Variants in SYT16 observed in about 807,000 individuals in gnomAD.
SYT16 encodes the protein synaptotagmin 16.
Under a neutral mutation model 61.4 loss-of-function variants are expected in SYT16, and 42 were observed. The observed-to-expected ratio is 0.68, with a 90% CI of 0.53 to 0.89. The LOEUF (loss-of-function observed/expected upper bound fraction) is 0.89. Among genes scored for constraint, SYT16 ranks in the 40% least tolerant of loss-of-function variants. The pLI is 0.00. For synonymous variants in SYT16, 314 were observed against 302.3 expected (o/e 1.04, Z -0.40); for missense variants, 804 against 807.3 (o/e 1.00, Z 0.05).
At chr14:62,026,290 T>C (rs78700313) in intron 3 of SYT16, among the ~76,000 whole-genome samples, 9,675 of 152,274 alleles carry the variant, frequency 0.064, 550 homozygotes, top group African/African-American at 0.16. Context: ...CTGTTTATGT[T>C]GCTATAACTA....
intron 1 of SYT16, among the ~76,000 whole-genome samples, chr14:61,910,408 T>A (rs929213084): frequency 2.2e-4 from 33 of 150,516 alleles, no homozygotes; most frequent in African/African-American, 6.9e-4. Context: ...CCGGCTAATT[T>A]TTGTGTTTTT....
chr14:62,038,083 G>A (rs1345542608), intron 3 of SYT16, among the ~76,000 whole-genome samples: 3 of 152,004 alleles, frequency 2.0e-5, no homozygotes, highest in East Asian at 3.9e-4. Context: ...TCCAGGCTTG[G>A]TTATAGCTCC....
At chr14:61,983,202 A>G (rs2052159714) in intron 2 of SYT16, among the ~76,000 whole-genome samples, 1 of 152,174 alleles carries the variant, frequency 6.6e-6, no homozygotes, top group South Asian at 2.1e-4. Flanking sequence ...TAGGTTTAAA[A>G]TTTCATTATT....
At chr14:62,098,976 T>C (rs2057348914) in intron 7 of SYT16, among the ~76,000 whole-genome samples, 2 of 152,014 alleles carry the variant, frequency 1.3e-5, no homozygotes, top group South Asian at 4.2e-4. Context: ...ATGGGGAACA[T>C]GTACAGATGA....
At chr14:62,021,875 G>A (rs1356859664) in intron 3 of SYT16, among the ~76,000 whole-genome samples, 2 of 152,120 alleles carry the variant, frequency 1.3e-5, no homozygotes, top group Non-Finnish European at 2.9e-5. Flanking sequence ...CTTCCTAATG[G>A]CTTGTCAGGG....
At chr14:61,969,861 G>A (rs183667614) in intron 1 of SYT16, among the ~76,000 whole-genome samples, 13 of 152,096 alleles carry the variant, frequency 8.5e-5, no homozygotes, top group Admixed American at 2.0e-4. Context: ...AAGAAGAGTT[G>A]TACTCCAGGT....
intron 6 of SYT16, 132 bp from the exon 7 acceptor site, chr14:62,084,064 G>A (rs537879386): frequency 1.3e-5 from 13 of 1,029,072 alleles, no homozygotes; most frequent in Non-Finnish European, 1.7e-5. Context: ...AATTCACGCC[G>A]AGTGCGCCCT....
At chr14:62,075,620 G>GA (rs66588591) in intron 5 of SYT16, among the ~76,000 whole-genome samples, 7,018 of 91,760 alleles carry the variant, frequency 0.076, 633 homozygotes, top group African/African-American at 0.25. Flanking sequence ...AAAAAAAAAA[G>GA]AAAAAAAGAA....
At position 62,069,810 on chromosome 14, in the gene SYT16, G is replaced by A; in HGVS notation, c.731G>A (p.Cys244Tyr). 1 of 1,613,706 alleles carries A rather than the reference G, an allele frequency of 6.2e-7. No individual in the cohort carries two copies. The highest frequency in any genetic ancestry group is 8.5e-7 in the Non-Finnish European group (1 of 1,179,890). ...HGEDGTEVSA[C>Y]EDLDGASQRR... Reference sequence around the variant, plus strand: ...GAAGATGGCACAGAAGTATCTGCCTGCGAAGGTATCCTTTGCCTCACATCC... The same window carrying A: ...GAAGATGGCACAGAAGTATCTGCCTACGAAGGTATCCTTTGCCTCACATCC... The change falls in exon 4 of 8, where the codon TGC becomes TAC. Residue 244 changes from cysteine (C) to tyrosine (Y), a missense_variant. Transcript: ENST00000683842.
chr14:62,070,942 G>A (rs2056275393), intron 4 of SYT16, among the ~76,000 whole-genome samples: 1 of 152,104 alleles, frequency 6.6e-6, no homozygotes, highest in Non-Finnish European at 1.5e-5. Flanking sequence ...ATTTCAGGAT[G>A]AGCACAGGAC....
At chr14:61,948,265 A>G (rs116672084) in intron 1 of SYT16, among the ~76,000 whole-genome samples, 262 of 152,280 alleles carry the variant, frequency 1.7e-3, no homozygotes, top group African/African-American at 6.1e-3. Flanking sequence ...TTTTTCAGCC[A>G]TGTTCGTGAA....
At chr14:61,955,664 C>T (rs993841166) in intron 1 of SYT16, among the ~76,000 whole-genome samples, 2 of 151,840 alleles carry the variant, frequency 1.3e-5, no homozygotes, top group Non-Finnish European at 2.9e-5. Context: ...TATGTATATA[C>T]CACATTTTCT....
At chr14:62,052,805 C>A (rs1395598968) in intron 3 of SYT16, among the ~76,000 whole-genome samples, 1 of 152,168 alleles carries the variant, frequency 6.6e-6, no homozygotes, top group East Asian at 1.9e-4. Context: ...CAGCTGTCTG[C>A]AGCCTAGAAG....
chr14:62,039,896 T>G (rs1170868868), intron 3 of SYT16, among the ~76,000 whole-genome samples: 1 of 147,934 alleles, frequency 6.8e-6, no homozygotes, highest in Non-Finnish European at 1.5e-5. Context: ...CACACTAGAT[T>G]TTACTGACTC....
At chr14:61,899,742 C>G (rs2048444744) in intron 1 of SYT16, among the ~76,000 whole-genome samples, 1 of 152,178 alleles carries the variant, frequency 6.6e-6, no homozygotes, top group African/African-American at 2.4e-5. Context: ...ATGAACAAAG[C>G]CCTGGGGAGC....
intron 3 of SYT16, among the ~76,000 whole-genome samples, chr14:62,017,287 C>T (rs2053727092): frequency 6.6e-6 from 1 of 152,182 alleles, no homozygotes; most frequent in African/African-American, 2.4e-5. Context: ...CAATGCCTCC[C>T]TGACTTCTAA....
chr14:61,850,643 G>A (rs1229144211), intron 1 of SYT16, among the ~76,000 whole-genome samples: 2 of 152,032 alleles, frequency 1.3e-5, no homozygotes, highest in African/African-American at 4.8e-5. Context: ...ATTCTTTTAT[G>A]TTTATCCCTT....
Position 62,088,668 on chromosome 14 carries a change from T to C in SYT16, c.1624+4283T>C, listed in dbSNP as rs138318127. Reference sequence around the variant, plus strand: ...ATTAAACTCTAGCTAATGAAATGCATGCTGAAATTTTTAGCATTGAAGAGC... The same window carrying C: ...ATTAAACTCTAGCTAATGAAATGCACGCTGAAATTTTTAGCATTGAAGAGC... On this transcript the variant is annotated intron_variant, in intron 7 of 7. Transcript: ENST00000683842. 3.9e-5 allele frequency among the ~76,000 whole-genome samples: 6 copies of C among 152,288 alleles called. No individual in the cohort carries two copies. The East Asian group carries it at 1.2e-3, about 29-fold the overall frequency.
chr14:62,040,048 G>A (rs551387653), intron 3 of SYT16, among the ~76,000 whole-genome samples: 28 of 151,400 alleles, frequency 1.8e-4, no homozygotes, highest in African/African-American at 6.1e-4. Context: ...CTCTTTTACT[G>A]TGTTGGCTTC....
Sources: allele counts gnomAD v4.1 joint callset (sites outside exome capture counted in the v4.1 genomes callset), GRCh38; gene constraint gnomAD v4.1.1; transcripts MANE v1.5; gene names NCBI Gene and HGNC (gene_info 2026-07-23, HGNC 2026-07-21).